Variants in MLLT3 observed in about 807,000 individuals in gnomAD.
The protein encoded by MLLT3 is protein AF-9.
In MLLT3, 4 loss-of-function variants were observed where a neutral mutation model predicts 53.2. The ratio of observed to expected loss-of-function variants is 0.08; its 90% CI spans 0.04 to 0.17. MLLT3 has a LOEUF of 0.17. Among genes scored for constraint, MLLT3 ranks in the 10% least tolerant of loss-of-function variants. The pLI, the probability that MLLT3 is intolerant of heterozygous loss-of-function variation, is 1.00. For synonymous variants in MLLT3, 283 were observed against 230.6 expected (o/e 1.23, Z -2.06); for missense variants, 569 against 684.0 (o/e 0.83, Z 1.87).
intron 2 of MLLT3, among the ~76,000 whole-genome samples, chr9:20,588,614 G>C (rs1052379797): frequency 2.0e-5 from 3 of 152,082 alleles, no homozygotes; most frequent in Non-Finnish European, 4.4e-5. Context: ...ATTGTGAATG[G>C]GAGTTCACTC....
chr9:20,612,017 T>C (rs1430375188), intron 2 of MLLT3, among the ~76,000 whole-genome samples: 2 of 152,140 alleles, frequency 1.3e-5, no homozygotes, highest in African/African-American at 4.8e-5. Flanking sequence ...TATAGAACTT[T>C]TTCCTTTTAA....
intron 2 of MLLT3, among the ~76,000 whole-genome samples, chr9:20,599,483 G>C (rs937006267): frequency 2.1e-5 from 3 of 145,792 alleles, no homozygotes; most frequent in African/African-American, 7.5e-5. Context: ...AAGGTAGCAT[G>C]AAACCTCTCA....
At chr9:20,455,144 C>T (rs953612354) in intron 3 of MLLT3, among the ~76,000 whole-genome samples, 4 of 152,160 alleles carry the variant, frequency 2.6e-5, no homozygotes, top group African/African-American at 9.7e-5. Flanking sequence ...ATCACGTCAA[C>T]AGACATAAAT....
chr9:20,478,906 C>T (rs895136325), intron 2 of MLLT3, among the ~76,000 whole-genome samples: 1 of 152,076 alleles, frequency 6.6e-6, no homozygotes, highest in Non-Finnish European at 1.5e-5. Flanking sequence ...AACTTCAACA[C>T]GGAATTTTCC....
At chr9:20,469,401 T>C (rs1463440290) in intron 2 of MLLT3, among the ~76,000 whole-genome samples, 1 of 152,160 alleles carries the variant, frequency 6.6e-6, no homozygotes, top group Non-Finnish European at 1.5e-5. Context: ...ATATTGCACT[T>C]GTAACACCCT....
intron 2 of MLLT3, among the ~76,000 whole-genome samples, chr9:20,489,612 C>A (rs1288777416): frequency 1.3e-5 from 2 of 152,132 alleles, no homozygotes; most frequent in Non-Finnish European, 2.9e-5. Flanking sequence ...TCAGCCATCA[C>A]AATAGCTGTA....
At chr9:20,571,712 G>T (rs2131164570) in intron 2 of MLLT3, among the ~76,000 whole-genome samples, 1 of 152,148 alleles carries the variant, frequency 6.6e-6, no homozygotes, top group East Asian at 1.9e-4. Flanking sequence ...TTTAAAATGG[G>T]CAAAGGACCT....
chr9:20,520,925 C>A (rs1818041060), intron 2 of MLLT3, among the ~76,000 whole-genome samples: 1 of 152,042 alleles, frequency 6.6e-6, no homozygotes, highest in African/African-American at 2.4e-5. Context: ...AGAAGCAGGA[C>A]ATGTAGAATA....
intron 2 of MLLT3, among the ~76,000 whole-genome samples, chr9:20,471,393 G>C (rs1325847138): frequency 6.6e-6 from 1 of 152,004 alleles, no homozygotes; most frequent in South Asian, 2.1e-4. Flanking sequence ...AAGGAGGACT[G>C]AGGTCTAGGT....
chr9:20,521,376 T>C (rs1050059999), intron 2 of MLLT3, among the ~76,000 whole-genome samples: 4 of 152,182 alleles, frequency 2.6e-5, no homozygotes, highest in African/African-American at 9.7e-5. Flanking sequence ...CAGCCTAAGC[T>C]GTAAACTTTA....
chr9:20,401,734 G>C (rs1350486163), intron 5 of MLLT3, among the ~76,000 whole-genome samples: 1 of 152,216 alleles, frequency 6.6e-6, no homozygotes, highest in African/African-American at 2.4e-5. Flanking sequence ...TCATTAGCCA[G>C]ATTCAGTCAC....
intron 4 of MLLT3, among the ~76,000 whole-genome samples, chr9:20,419,060 T>G (rs978853151): frequency 6.6e-6 from 1 of 152,058 alleles, no homozygotes; most frequent in African/African-American, 2.4e-5. Context: ...GTGACATACT[T>G]AAGGGTGGGA....
At chr9:20,519,932 G>A (rs1482280680) in intron 2 of MLLT3, among the ~76,000 whole-genome samples, 11 of 152,146 alleles carry the variant, frequency 7.2e-5, no homozygotes, top group Non-Finnish European at 8.8e-5. Context: ...CAGTAGCAAC[G>A]ACATGGAATC....
chr9:20,458,031 C>T (rs897618645), intron 2 of MLLT3, among the ~76,000 whole-genome samples: 2 of 152,160 alleles, frequency 1.3e-5, no homozygotes, highest in East Asian at 3.9e-4. Context: ...ATGCATTTCC[C>T]CCAAATGTGC....
intron 2 of MLLT3, among the ~76,000 whole-genome samples, chr9:20,580,440 A>C (rs550462371): frequency 4.6e-5 from 7 of 152,166 alleles, no homozygotes; most frequent in Non-Finnish European, 7.4e-5. Context: ...AACTTCTTTC[A>C]GTCTTGAATA....
chr9:20,521,303 T>C (rs1490767026), intron 2 of MLLT3, among the ~76,000 whole-genome samples: 2 of 152,170 alleles, frequency 1.3e-5, no homozygotes, highest in Admixed American at 1.3e-4. Context: ...ACTCCTGACT[T>C]CAGGTGATCT....
At chr9:20,556,288 G>C (rs1819055820) in intron 2 of MLLT3, among the ~76,000 whole-genome samples, 1 of 151,944 alleles carries the variant, frequency 6.6e-6, no homozygotes, top group South Asian at 2.1e-4. Context: ...TGAGGCATAG[G>C]ATATTTTTAA....
At position 20,620,619 on chromosome 9, in the gene MLLT3, T is replaced by G; in HGVS notation, c.193+35A>C. On this transcript the variant is annotated intron_variant, in intron 2 of 10. Coordinates refer to ENST00000380338, the MANE Select transcript of MLLT3 (RefSeq NM_004529.4). The surrounding 1 kb of genome is among the most constrained non-coding windows in gnomAD (Gnocchi z 6.1). ...GGGCCAAGCGATTGTTTCAAAGACA[T>G]TTTTTATCAAGACCCTTTTGTATTC... 1 of 1,592,622 alleles carries G rather than the reference T, an allele frequency of 6.3e-7. No individual in the cohort carries two copies. Among genetic ancestry groups the G allele is most frequent in the Non-Finnish European group, 8.6e-7 (1 of 1,165,228 alleles).
chr9:20,476,256 T>C (rs1005196074), intron 2 of MLLT3, among the ~76,000 whole-genome samples: 4 of 152,132 alleles, frequency 2.6e-5, no homozygotes, highest in South Asian at 2.1e-4. Flanking sequence ...TCTTCAGATT[T>C]TGTGCCATCT....
Sources: gnomAD v4.1 joint callset for allele counts (sites outside exome capture counted in the v4.1 genomes callset) on GRCh38, gnomAD v4.1.1 for gene constraint, Gnocchi (gnomAD v3.1) non-coding constraint, MANE v1.5 for transcripts, NCBI Gene and HGNC (gene_info 2026-07-23, HGNC 2026-07-21) for gene names.